The following PPFIA2 variants were observed in gnomAD, a reference collection of about 807,000 sequenced individuals.
The protein encoded by PPFIA2 is liprin-alpha-2.
In PPFIA2, 46 loss-of-function variants were observed where a neutral mutation model predicts 175.5. That is an observed-to-expected ratio of 0.26 (90% CI 0.21 to 0.34). The LOEUF (loss-of-function observed/expected upper bound fraction) is 0.34, where lower values mean the gene tolerates loss of function less well. Among genes scored for constraint, PPFIA2 ranks in the 10% least tolerant of loss-of-function variants. PPFIA2 has a pLI of 1.00. For missense variants in PPFIA2, 1,179 were observed against 1,506.1 expected (o/e 0.78, Z 3.60); for synonymous variants, 568 against 511.4 (o/e 1.11, Z -1.49).
chr12:81,324,218 A>C (rs781660360), intron 22 of PPFIA2, among the ~76,000 whole-genome samples: 4 of 152,048 alleles, frequency 2.6e-5, no homozygotes, highest in Non-Finnish European at 5.9e-5. Context: ...ATTATTATCA[A>C]ATCAACCCAA....
chr12:81,366,328 A>C (rs2033425523), intron 14 of PPFIA2, among the ~76,000 whole-genome samples: 2 of 151,618 alleles, frequency 1.3e-5, no homozygotes, highest in South Asian at 4.1e-4. Flanking sequence ...ATACCCTACA[A>C]CAGGAATAAT....
chr12:81,689,487 A>T (rs2074958395), intron 3 of PPFIA2, among the ~76,000 whole-genome samples: 1 of 152,058 alleles, frequency 6.6e-6, no homozygotes, highest in South Asian at 2.1e-4. Context: ...ACTGACTGAT[A>T]TCAGAGCATA....
At chr12:81,595,596 T>G (rs1197238298) in intron 4 of PPFIA2, among the ~76,000 whole-genome samples, 4 of 152,088 alleles carry the variant, frequency 2.6e-5, no homozygotes, top group African/African-American at 7.2e-5. Context: ...TTAAATTGAG[T>G]GTTACATATT....
At chr12:81,691,974 A>G (rs1382430575) in intron 3 of PPFIA2, among the ~76,000 whole-genome samples, 1 of 151,938 alleles carries the variant, frequency 6.6e-6, no homozygotes, top group Admixed American at 6.6e-5. Context: ...TCTTACATGT[A>G]GATGTTTAGG....
At chr12:81,688,971 GATCTATA>G (rs1403128109) in intron 3 of PPFIA2, among the ~76,000 whole-genome samples, 12 of 151,492 alleles carry the variant, frequency 7.9e-5, no homozygotes. Context: ...GAAAACAGAT[GATCTATA>G]TTCAAATTCA....
intron 4 of PPFIA2, among the ~76,000 whole-genome samples, chr12:81,553,126 G>A (rs999064273): frequency 6.6e-6 from 1 of 151,926 alleles, no homozygotes; most frequent in Non-Finnish European, 1.5e-5. Context: ...AATCTCACGG[G>A]CTGAGAGGCC....
At chr12:81,422,365 C>A (rs964360311) in intron 7 of PPFIA2, among the ~76,000 whole-genome samples, 17 of 151,824 alleles carry the variant, frequency 1.1e-4, no homozygotes, top group African/African-American at 3.4e-4. Context: ...AAGCATTCAC[C>A]CTGCTGCATG....
At chr12:81,512,469 C>T (rs1215092348) in intron 4 of PPFIA2, 4 of 569,258 alleles carry the variant, frequency 7.0e-6, no homozygotes, top group Non-Finnish European at 9.9e-6. Context: ...AAAGTTAACT[C>T]ATTAGTTTTT....
intron 4 of PPFIA2, among the ~76,000 whole-genome samples, chr12:81,501,837 A>G (rs1306265246): frequency 6.6e-6 from 1 of 152,154 alleles, no homozygotes. Context: ...TAATGCTCCT[A>G]ACACTGCTAT....
intron 6 of PPFIA2, among the ~76,000 whole-genome samples, chr12:81,440,305 T>C (rs933517270): frequency 2.6e-5 from 4 of 152,110 alleles, no homozygotes; most frequent in African/African-American, 4.8e-5. Context: ...GGGTTGGAGA[T>C]TGACTTGTCT....
chr12:81,403,726 C>T (rs915419689), intron 8 of PPFIA2, among the ~76,000 whole-genome samples: 1 of 152,060 alleles, frequency 6.6e-6, no homozygotes, highest in Admixed American at 6.6e-5. Context: ...GGGAAAAATG[C>T]CTCCAGTAAG....
chr12:81,397,253 G>C (rs1239001560), intron 8 of PPFIA2, among the ~76,000 whole-genome samples: 1 of 151,850 alleles, frequency 6.6e-6, no homozygotes, highest in Admixed American at 6.6e-5. Flanking sequence ...GCTGAGCCCT[G>C]GGGTGAAGAA....
At chr12:81,661,875 A>T (rs1453229375) in intron 4 of PPFIA2, among the ~76,000 whole-genome samples, 1 of 152,228 alleles carries the variant, frequency 6.6e-6, no homozygotes, top group Non-Finnish European at 1.5e-5. Context: ...CAATCAAACT[A>T]GAATTCAGGA....
At chr12:81,726,606 T>G (rs1190307268) in intron 3 of PPFIA2, among the ~76,000 whole-genome samples, 1 of 151,338 alleles carries the variant, frequency 6.6e-6, no homozygotes, top group Non-Finnish European at 1.5e-5. Flanking sequence ...GTTTCTAATG[T>G]AAAACAGTAA....
At chr12:81,622,384 G>C (rs975746373) in intron 4 of PPFIA2, among the ~76,000 whole-genome samples, 4 of 152,112 alleles carry the variant, frequency 2.6e-5, no homozygotes, top group African/African-American at 9.7e-5. Context: ...TAGCTTCCTA[G>C]AGTAAAATTT....
At chr12:81,411,401 G>A (rs1230168599) in intron 7 of PPFIA2, among the ~76,000 whole-genome samples, 1 of 151,972 alleles carries the variant, frequency 6.6e-6, no homozygotes, top group Non-Finnish European at 1.5e-5. Context: ...GCTTATAACA[G>A]CCTGATCCAT....
intron 4 of PPFIA2, among the ~76,000 whole-genome samples, chr12:81,574,153 C>T (rs1323382137): frequency 6.6e-6 from 1 of 151,802 alleles, no homozygotes; most frequent in Non-Finnish European, 1.5e-5. Flanking sequence ...GGAGAAATAA[C>T]TTTCACATTT....
rs969507507 is a variant in PPFIA2, at chr12:81,494,548, G to C, written c.304-36682C>G. Among the ~76,000 whole-genome samples the C allele has an allele frequency of 2.0e-5, 3 of 151,206 alleles. No individual in the cohort carries two copies. In the East Asian group the frequency reaches 5.9e-4, roughly 30 times the overall value. On this transcript the variant is annotated intron_variant, in intron 4 of 32. Transcript: ENST00000549396. Reference sequence around the variant, plus strand: ...GAAGTCAGTGTGGCGATTCCTCAGGGATCTAGAACTAGAAATACCATTTGA... The same window carrying C: ...GAAGTCAGTGTGGCGATTCCTCAGGCATCTAGAACTAGAAATACCATTTGA...
At chr12:81,604,871 T>C (rs1172221926) in intron 4 of PPFIA2, among the ~76,000 whole-genome samples, 1 of 151,766 alleles carries the variant, frequency 6.6e-6, no homozygotes. Context: ...AGTAAAAGTA[T>C]GACTAAACTA....
Sources: allele counts gnomAD v4.1 joint callset (sites outside exome capture counted in the v4.1 genomes callset), GRCh38; gene constraint gnomAD v4.1.1; transcripts MANE v1.5; gene names NCBI Gene and HGNC (gene_info 2026-07-23, HGNC 2026-07-21).